PCSK6: variants seen among roughly 807,000 people sequenced by gnomAD.
PCSK6 encodes proprotein convertase subtilisin/kexin type 6.
Under a neutral mutation model 123.3 loss-of-function variants are expected in PCSK6, and 85 were observed. That is an observed-to-expected ratio of 0.69 (90% CI 0.58 to 0.83). PCSK6 has a LOEUF of 0.83. PCSK6 is among the 40% of genes least tolerant of loss of function. The pLI is 0.00. For synonymous variants in PCSK6, 508 were observed against 516.0 expected, an observed-to-expected ratio of 0.98 and a Z score of 0.21; for missense variants, 1,191 against 1,282.3, an observed-to-expected ratio of 0.93 and a Z score of 1.09.
intron 7 of PCSK6, among the ~76,000 whole-genome samples, chr15:101,396,951 G>A (rs530379972): frequency 6.6e-6 from 1 of 152,082 alleles, no homozygotes; most frequent in South Asian, 2.1e-4. Context: ...GGTTTCTCAG[G>A]CATTCAAGAC....
At chr15:101,317,455 T>C (rs182185861) in intron 19 of PCSK6, among the ~76,000 whole-genome samples, 1 of 152,250 alleles carries the variant, frequency 6.6e-6, no homozygotes. Context: ...GAGACATCTG[T>C]GCCATCATCT....
chr15:101,466,929 G>C (rs933517504), intron 1 of PCSK6, among the ~76,000 whole-genome samples: 4 of 152,042 alleles, frequency 2.6e-5, no homozygotes, highest in African/African-American at 9.7e-5. Flanking sequence ...ATGGGGTGCG[G>C]GGACAGTTGT....
At chr15:101,329,589 T>C (rs1257628789) in intron 15 of PCSK6, among the ~76,000 whole-genome samples, 4 of 152,322 alleles carry the variant, frequency 2.6e-5, no homozygotes, top group South Asian at 2.1e-4. Context: ...TGAGCACACA[T>C]GGTCCTGCTC....
At chr15:101,388,741 G>C (rs564787853) in intron 9 of PCSK6, among the ~76,000 whole-genome samples, 2 of 152,260 alleles carry the variant, frequency 1.3e-5, no homozygotes, top group East Asian at 3.9e-4. Flanking sequence ...ATTTTGATAC[G>C]TTCTACAAAC....
intron 1 of PCSK6, among the ~76,000 whole-genome samples, chr15:101,457,815 C>T (rs2057228133): frequency 6.6e-6 from 1 of 152,238 alleles, no homozygotes; most frequent in South Asian, 2.1e-4. Flanking sequence ...TTTCTTGAAA[C>T]TAACTTATTT....
chr15:101,489,691 G>A lies in PCSK6; in HGVS notation c.-21C>T. On this transcript the variant is annotated 5_prime_UTR_variant, in exon 1 of 22. Coordinates refer to ENST00000611716, the MANE Select transcript of PCSK6 (RefSeq NM_002570.5). ...GGCATAGCGGCGACAGGCTCGCGCG[G>A]CGCCCGAGCTGCGAGTGCGCCGGGG... The A allele has an allele frequency of 1.0e-6, 1 of 966,448 alleles. No homozygotes were observed. Among genetic ancestry groups the A allele is most frequent in the African/African-American group, 1.8e-5 (1 of 56,296 alleles). 59.9% of individuals were successfully genotyped at this position (966,448 alleles called of 1,614,324 possible).
At chr15:101,385,341 C>T (rs2042029593) in intron 9 of PCSK6, among the ~76,000 whole-genome samples, 1 of 151,988 alleles carries the variant, frequency 6.6e-6, no homozygotes, top group African/African-American at 2.4e-5. Flanking sequence ...TTTTTAACAC[C>T]TCTGAAATCC....
intron 1 of PCSK6, among the ~76,000 whole-genome samples, chr15:101,476,667 G>A (rs2057739839): frequency 6.6e-6 from 1 of 152,118 alleles, no homozygotes; most frequent in South Asian, 2.1e-4. Context: ...GAACAGTGGT[G>A]ACATCTCAGG....
rs372869545 is a variant in PCSK6, at chr15:101,461,627, G to T, written c.298-17967C>A. On this transcript the variant is annotated intron_variant, in intron 1 of 21. Coordinates refer to ENST00000611716, the MANE Select transcript of PCSK6 (RefSeq NM_002570.5). ...ATTAGAAAGCCAAATTCAGCAACGA[G>T]GAAGAAAGATAGTCTGCCATGACCA... 3.4e-4 allele frequency among the ~76,000 whole-genome samples: 51 copies of T among 151,654 alleles called. No homozygotes were observed. In the South Asian group the frequency reaches 9.9e-3, roughly 30 times the overall value.
chr15:101,395,799 A>G (rs917694852), intron 7 of PCSK6, among the ~76,000 whole-genome samples: 1 of 152,210 alleles, frequency 6.6e-6, no homozygotes, highest in African/African-American at 2.4e-5. Flanking sequence ...GAGGGCCAGC[A>G]AACACCGGCC....
In PCSK6 at chr15:101,304,812, C is replaced by G. The variant is rs191029719; in HGVS notation, c.*446G>C. On this transcript the variant is annotated 3_prime_UTR_variant, in exon 22 of 22. Transcript: ENST00000611716. ...GCAACGAGCAGGTAGACTGCTGGCC[C>G]TTTGTCACATGTGAGGATGGCCCAG... 1 of 163,690 alleles carries G rather than the reference C, an allele frequency of 6.1e-6. No homozygotes were observed. The highest frequency in any genetic ancestry group is 2.4e-5 in the African/African-American group (1 of 41,766). The allele number at this position is 163,690 out of a possible 1,614,324, so 10.1% of individuals were successfully genotyped here. A position where few individuals can be genotyped will look rare whatever the true frequency, so the allele number is the denominator to read the frequency against.
intron 13 of PCSK6, among the ~76,000 whole-genome samples, chr15:101,349,966 T>C (rs921473459): frequency 1.3e-5 from 2 of 152,168 alleles, no homozygotes; most frequent in Non-Finnish European, 2.9e-5. Flanking sequence ...TGGAGTGCAG[T>C]GGCACAATCT....
intron 10 of PCSK6, among the ~76,000 whole-genome samples, chr15:101,383,167 G>C (rs751833951): frequency 7.2e-5 from 11 of 152,036 alleles, no homozygotes; most frequent in Non-Finnish European, 1.5e-4. Flanking sequence ...CCAGCACTTT[G>C]GGAGGCCAAG....
chr15:101,459,343 G>T (rs1418773791), intron 1 of PCSK6, among the ~76,000 whole-genome samples: 2 of 152,026 alleles, frequency 1.3e-5, no homozygotes, highest in Non-Finnish European at 2.9e-5. Flanking sequence ...CATCCTGGTT[G>T]CACAATAAAT....
intron 11 of PCSK6, among the ~76,000 whole-genome samples, chr15:101,380,697 C>T (rs567193198): frequency 6.6e-6 from 1 of 152,358 alleles, no homozygotes; most frequent in African/African-American, 2.4e-5. Context: ...AGCCAACACA[C>T]ACTCTCTGCA....
At chr15:101,349,810 G>A (rs960585170) in intron 13 of PCSK6, among the ~76,000 whole-genome samples, 1 of 152,194 alleles carries the variant, frequency 6.6e-6, no homozygotes, top group Admixed American at 6.5e-5. Context: ...CGAGTGCAGA[G>A]TGCCATACAG....
chr15:101,445,963 C>T (rs766872140), intron 1 of PCSK6, among the ~76,000 whole-genome samples: 3 of 152,254 alleles, frequency 2.0e-5, no homozygotes, highest in Non-Finnish European at 2.9e-5. Context: ...CAGCCCCCTG[C>T]CCCGGGGCCG....
chr15:101,440,563 G>A (rs144280545), intron 2 of PCSK6, among the ~76,000 whole-genome samples: 4 of 152,248 alleles, frequency 2.6e-5, no homozygotes, highest in South Asian at 2.1e-4. Context: ...ATAAGATACC[G>A]TCTGCATTTG....
At chr15:101,407,774 G>A (rs770056029) in intron 6 of PCSK6, among the ~76,000 whole-genome samples, 1 of 152,178 alleles carries the variant, frequency 6.6e-6, no homozygotes, top group Non-Finnish European at 1.5e-5. Context: ...CCCACATACG[G>A]TACTGGGACG....
Sources: gnomAD v4.1 joint callset for allele counts (sites outside exome capture counted in the v4.1 genomes callset) on GRCh38, gnomAD v4.1.1 for gene constraint, MANE v1.5 for transcripts, NCBI Gene and HGNC (gene_info 2026-07-23, HGNC 2026-07-21) for gene names.